Variants in RNF180 observed in about 807,000 individuals in gnomAD.
The protein encoded by RNF180 is ring finger protein 180.
RNF180 carries 38 observed loss-of-function variants against 59.2 expected under a neutral mutation model. That is an observed-to-expected ratio of 0.64 (90% CI 0.50 to 0.84). The LOEUF is 0.84. Ranked by LOEUF, RNF180 falls within the 40% of genes least tolerant of loss-of-function variation. The probability of loss-of-function intolerance (pLI) is 0.00; values close to 1 mark genes in which losing one functional copy is unlikely to be tolerated. For missense variants in RNF180, 705 were observed against 700.9 expected (o/e 1.01, Z -0.07); for synonymous variants, 262 against 240.3 (o/e 1.09, Z -0.84).
At chr5:64,335,936 T>C (rs557333803) in intron 7 of RNF180, among the ~76,000 whole-genome samples, 4 of 152,284 alleles carry the variant, frequency 2.6e-5, no homozygotes, top group African/African-American at 9.6e-5. Flanking sequence ...TGATGTCCTA[T>C]AATAAAGTTT....
At chr5:64,321,045 A>G (rs956099697) in intron 5 of RNF180, among the ~76,000 whole-genome samples, 26 of 152,290 alleles carry the variant, frequency 1.7e-4, no homozygotes, top group Middle Eastern at 3.4e-3. Flanking sequence ...CTCAAAAAAA[A>G]AAAGGGAAAG....
intron 7 of RNF180, among the ~76,000 whole-genome samples, chr5:64,336,919 C>T (rs764178988): frequency 6.0e-5 from 9 of 150,996 alleles, no homozygotes; most frequent in African/African-American, 1.7e-4. Flanking sequence ...AAATGTTTTT[C>T]GCTTTGTGTC....
chr5:64,320,051 A>G (rs550380331), intron 5 of RNF180, among the ~76,000 whole-genome samples: 31 of 152,334 alleles, frequency 2.0e-4, no homozygotes, highest in Admixed American at 4.6e-4. Flanking sequence ...AAAAATGCAA[A>G]TTCTCAGGCC....
intron 1 of RNF180, among the ~76,000 whole-genome samples, chr5:64,181,200 T>A (rs1340388233): frequency 6.6e-6 from 1 of 152,144 alleles, no homozygotes; most frequent in Non-Finnish European, 1.5e-5. Flanking sequence ...AAATTAAGGG[T>A]GAGTCTGTCT....
Position 64,213,987 on chromosome 5 carries a change from A to G in RNF180, c.661A>G (p.Thr221Ala), listed in dbSNP as rs776775433. The G allele has an allele frequency of 2.5e-6, 4 of 1,614,148 alleles. No homozygotes were observed. Among genetic ancestry groups the G allele is most frequent in the Admixed American group, 1.7e-5 (1 of 59,974 alleles). The change falls in exon 4 of 8, where the codon ACA becomes GCA. Residue 221 changes from threonine (T) to alanine (A), a missense_variant. Physicochemically the swap from Thr to Ala is moderately conservative, Grantham distance 58. Coordinates refer to ENST00000389100, the MANE Select transcript of RNF180 (RefSeq NM_001113561.2). ...VPQLVTGRCA[T>A]RAFHRKSHSL... ...CCAGCTTGTGACTGGCAGATGCGCT[A>G]CAAGAGCTTTTCATAGAAAATCACA... is the stretch of plus-strand genomic sequence containing the variant.
At chr5:64,176,377 TTTTG>T (rs1750237344) in intron 1 of RNF180, among the ~76,000 whole-genome samples, 2 of 152,166 alleles carry the variant, frequency 1.3e-5, no homozygotes, top group African/African-American at 2.4e-5. Flanking sequence ...GTTCTGTTAA[TTTTG>T]TTTATCTTTC....
chr5:64,199,687 G>A (rs1277110441), intron 1 of RNF180, among the ~76,000 whole-genome samples: 1 of 152,244 alleles, frequency 6.6e-6, no homozygotes, highest in East Asian at 1.9e-4. Context: ...ATGAGGAAAT[G>A]TGGCCAGGGA....
chr5:64,258,298 A>T (rs1744107519), intron 5 of RNF180, among the ~76,000 whole-genome samples: 1 of 152,212 alleles, frequency 6.6e-6, no homozygotes, highest in African/African-American at 2.4e-5. Context: ...AGATTAAGAA[A>T]GACCTAGTAA....
At chr5:64,318,073 C>T (rs1216381116) in intron 5 of RNF180, among the ~76,000 whole-genome samples, 1 of 152,128 alleles carries the variant, frequency 6.6e-6, no homozygotes, top group Non-Finnish European at 1.5e-5. Context: ...TTCACACCAT[C>T]CTAAGTTGAA....
chr5:64,361,004 C>G (rs150667197), intron 7 of RNF180, among the ~76,000 whole-genome samples: 4 of 151,496 alleles, frequency 2.6e-5, no homozygotes, highest in African/African-American at 9.7e-5. Context: ...CTCTGTCTTC[C>G]GAGACAGTTT....
At chr5:64,208,553 TCTTTA>T (rs139170847) in intron 2 of RNF180, among the ~76,000 whole-genome samples, 15,294 of 152,040 alleles carry the variant, frequency 0.1, 864 homozygotes, top group South Asian at 0.17. Context: ...TGATACATCC[TCTTTA>T]CTTGTAGAAT....
At chr5:64,255,668 A>G (rs887009974) in intron 5 of RNF180, among the ~76,000 whole-genome samples, 10 of 152,224 alleles carry the variant, frequency 6.6e-5, no homozygotes, top group African/African-American at 1.9e-4. Context: ...ATACATATGC[A>G]TGTGTCGTTA....
intron 7 of RNF180, among the ~76,000 whole-genome samples, chr5:64,354,508 T>C (rs1402165888): frequency 6.6e-6 from 1 of 151,762 alleles, no homozygotes; most frequent in Non-Finnish European, 1.5e-5. Flanking sequence ...CACTGATGAA[T>C]TCTGCCAAGT....
chr5:64,351,466 A>G (rs1003824058), intron 7 of RNF180, among the ~76,000 whole-genome samples: 3 of 152,102 alleles, frequency 2.0e-5, no homozygotes, highest in East Asian at 1.9e-4. Flanking sequence ...GAGAGAGGGC[A>G]TCCCTGTCTT....
intron 5 of RNF180, among the ~76,000 whole-genome samples, chr5:64,319,202 A>G (rs982478646): frequency 3.3e-5 from 5 of 151,810 alleles, no homozygotes; most frequent in Non-Finnish European, 4.4e-5. Flanking sequence ...CTTTGTATCT[A>G]TAAAAAGGTT....
At chr5:64,322,287 AT>A (rs1744393787) in intron 5 of RNF180, among the ~76,000 whole-genome samples, 1 of 152,162 alleles carries the variant, frequency 6.6e-6, no homozygotes, top group South Asian at 2.1e-4. Context: ...TCCAGAATCT[AT>A]AAGAAACTTA....
intron 5 of RNF180, among the ~76,000 whole-genome samples, chr5:64,263,540 G>T (rs1322913409): frequency 6.6e-6 from 1 of 152,098 alleles, no homozygotes; most frequent in African/African-American, 2.4e-5. Flanking sequence ...TAGCTGTTTT[G>T]AAGTGAAAAA....
At chr5:64,223,952 A>G (rs1444289377) in intron 5 of RNF180, among the ~76,000 whole-genome samples, 1 of 152,080 alleles carries the variant, frequency 6.6e-6, no homozygotes, top group African/African-American at 2.4e-5. Flanking sequence ...TTTACTTAAT[A>G]TGGGATTGCT....
At position 64,213,544 on chromosome 5, in the gene RNF180, T is replaced by C; in HGVS notation, c.232-14T>C. 6.3e-7 allele frequency: 1 copy of C among 1,589,676 alleles called. No homozygotes were observed. Among genetic ancestry groups the C allele is most frequent in the Non-Finnish European group, 8.6e-7 (1 of 1,167,468 alleles). On this transcript the variant is annotated splice_polypyrimidine_tract_variant and intron_variant, in intron 3 of 7. Transcript: ENST00000389100. ...AATGAAAGCACTGTCTTTATTCTTC[T>C]TTATTACCTGTAGGCCCAGTGGACA...
Sources: gnomAD v4.1 joint callset for allele counts (sites outside exome capture counted in the v4.1 genomes callset) on GRCh38, gnomAD v4.1.1 for gene constraint, MANE v1.5 for transcripts, NCBI Gene and HGNC (gene_info 2026-07-23, HGNC 2026-07-21) for gene names.